NELL1: variants seen among roughly 807,000 people sequenced by gnomAD.
NELL1 encodes the protein neural EGFL like 1, also known as protein kinase C-binding protein NELL1.
A neutral mutation model predicts 107.4 loss-of-function variants in NELL1; 76 were observed. The observed-to-expected ratio is 0.71, with a 90% CI of 0.59 to 0.86. The LOEUF (loss-of-function observed/expected upper bound fraction) is 0.86, where lower values mean the gene tolerates loss of function less well. Ranked by LOEUF, NELL1 falls within the 40% of genes least tolerant of loss-of-function variation. The pLI is 0.00. For synonymous variants in NELL1, 353 were observed against 341.2 expected (o/e 1.03, Z -0.38); for missense variants, 1,024 against 1,005.5 (o/e 1.02, Z -0.25).
intron 2 of NELL1, among the ~76,000 whole-genome samples, chr11:20,681,913 T>G (rs187929738): frequency 4.5e-4 from 68 of 152,226 alleles, no homozygotes; most frequent in Admixed American, 4.3e-3. Flanking sequence ...TGTCATCATA[T>G]TATCTTCTCT....
At chr11:20,990,879 A>G (rs916599200) in intron 12 of NELL1, among the ~76,000 whole-genome samples, 40 of 152,282 alleles carry the variant, frequency 2.6e-4, no homozygotes, top group African/African-American at 9.6e-4. Flanking sequence ...GTCCTGCTCA[A>G]CATCCAATTG....
At chr11:21,524,545 A>G (rs1204660137) in intron 15 of NELL1, among the ~76,000 whole-genome samples, 1 of 152,190 alleles carries the variant, frequency 6.6e-6, no homozygotes, top group African/African-American at 2.4e-5. Flanking sequence ...AATCACTTGC[A>G]GGGCGGGAAG....
intron 14 of NELL1, among the ~76,000 whole-genome samples, chr11:21,296,749 C>A (rs1004196939): frequency 2.6e-5 from 4 of 151,802 alleles, no homozygotes; most frequent in African/African-American, 9.7e-5. Context: ...TTTGGAAAAT[C>A]TGAGAGAACT....
chr11:21,365,332 T>G (rs1366661207), intron 14 of NELL1, among the ~76,000 whole-genome samples: 1 of 152,206 alleles, frequency 6.6e-6, no homozygotes, highest in African/African-American at 2.4e-5. Flanking sequence ...TGGTTAAGAC[T>G]CTGGGCTTGA....
At chr11:21,111,522 G>T (rs1855107288) in intron 12 of NELL1, among the ~76,000 whole-genome samples, 1 of 152,078 alleles carries the variant, frequency 6.6e-6, no homozygotes, top group South Asian at 2.1e-4. Context: ...CATATTTCTA[G>T]CTCATGCAAC....
At chr11:21,033,163 G>A (rs1445599917) in intron 12 of NELL1, among the ~76,000 whole-genome samples, 2 of 151,980 alleles carry the variant, frequency 1.3e-5, no homozygotes, top group Admixed American at 1.3e-4. Flanking sequence ...TTGGTGATCT[G>A]CTGCTTTATT....
intron 2 of NELL1, among the ~76,000 whole-genome samples, chr11:20,758,467 T>C (rs193051006): frequency 1.3e-5 from 2 of 152,298 alleles, no homozygotes; most frequent in African/African-American, 4.8e-5. Context: ...CCTTAGTGTA[T>C]GCTAAGCTAA....
At chr11:21,210,546 T>C (rs1375279325) in intron 13 of NELL1, among the ~76,000 whole-genome samples, 1 of 152,164 alleles carries the variant, frequency 6.6e-6, no homozygotes, top group Admixed American at 6.5e-5. Context: ...AAAAAGACTG[T>C]TTAAATACTT....
At chr11:20,847,434 A>G (rs1009771849) in intron 3 of NELL1, 149 bp from the exon 4 acceptor site, 2 of 728,342 alleles carry the variant, frequency 2.7e-6, no homozygotes, top group Admixed American at 3.1e-5. Context: ...TGGGTGTCCT[A>G]CAGTGAATTG....
At chr11:20,696,503 A>G (rs1038364361) in intron 2 of NELL1, among the ~76,000 whole-genome samples, 3 of 152,128 alleles carry the variant, frequency 2.0e-5, no homozygotes, top group Non-Finnish European at 2.9e-5. Flanking sequence ...TATATTTAAC[A>G]TTATTGCCAC....
intron 16 of NELL1, among the ~76,000 whole-genome samples, chr11:21,557,877 A>G (rs1452841959): frequency 6.6e-6 from 1 of 152,048 alleles, no homozygotes; most frequent in African/African-American, 2.4e-5. Context: ...GAATATCCAT[A>G]TAGTATTCTG....
intron 15 of NELL1, among the ~76,000 whole-genome samples, chr11:21,457,822 A>T (rs962301897): frequency 2.6e-5 from 4 of 152,186 alleles, no homozygotes; most frequent in African/African-American, 9.6e-5. Flanking sequence ...AAGAAGACTG[A>T]GAAAAACAAA....
At chr11:21,484,234 G>A (rs952895469) in intron 15 of NELL1, among the ~76,000 whole-genome samples, 7 of 150,270 alleles carry the variant, frequency 4.7e-5, no homozygotes, top group Non-Finnish European at 7.4e-5. Context: ...AAAAATTGCT[G>A]ACACAATAAA....
chr11:20,845,320 C>T (rs12284836), intron 3 of NELL1, among the ~76,000 whole-genome samples: 49,063 of 151,978 alleles, frequency 0.32, 8,942 homozygotes, highest in African/African-American at 0.49. Flanking sequence ...TTTAAGAGAT[C>T]TGTTTATAAT....
At chr11:21,290,541 C>G (rs1849232462) in intron 14 of NELL1, among the ~76,000 whole-genome samples, 1 of 152,168 alleles carries the variant, frequency 6.6e-6, no homozygotes, top group Non-Finnish European at 1.5e-5. Flanking sequence ...CCTGTGCCTC[C>G]AGACTGGGAG....
intron 15 of NELL1, among the ~76,000 whole-genome samples, chr11:21,518,833 C>T (rs1246190703): frequency 1.3e-5 from 2 of 152,134 alleles, no homozygotes; most frequent in Non-Finnish European, 1.5e-5. Context: ...AGACTTGTTT[C>T]CTTTAGCTGT....
intron 15 of NELL1, among the ~76,000 whole-genome samples, chr11:21,509,383 T>C (rs1322137974): frequency 1.3e-5 from 2 of 152,246 alleles, no homozygotes; most frequent in African/African-American, 4.8e-5. Context: ...TGGGAAACTC[T>C]TGTGCATGTA....
intron 13 of NELL1, among the ~76,000 whole-genome samples, chr11:21,174,954 T>C (rs1856681989): frequency 6.6e-6 from 1 of 151,694 alleles, no homozygotes; most frequent in Non-Finnish European, 1.5e-5. Flanking sequence ...TTCTGTACCT[T>C]AATTATGAGT....
chr11:21,457,421 T>G (rs4922825), intron 15 of NELL1, among the ~76,000 whole-genome samples: 133,646 of 151,826 alleles, frequency 0.88, 58,862 homozygotes, highest in East Asian at 0.98. Context: ...TTTTGTGAGG[T>G]ATTAAACATT....
Sources: gnomAD v4.1 joint callset for allele counts (sites outside exome capture counted in the v4.1 genomes callset) on GRCh38, gnomAD v4.1.1 for gene constraint, MANE v1.5 for transcripts, NCBI Gene and HGNC (gene_info 2026-07-23, HGNC 2026-07-21) for gene names.